Variants in HTRA3 observed in about 807,000 individuals in gnomAD.
HTRA3 encodes serine protease HTRA3.
In HTRA3, 41 loss-of-function variants were observed where a neutral mutation model predicts 43.2. The ratio of observed to expected loss-of-function variants is 0.95; its 90% CI spans 0.74 to 1.23. The LOEUF (loss-of-function observed/expected upper bound fraction) is 1.23, where lower values mean the gene tolerates loss of function less well. Ranked by LOEUF, HTRA3 falls within the 50% of genes most tolerant of loss-of-function variation. The probability of loss-of-function intolerance (pLI) is 0.00; values close to 1 mark genes in which losing one functional copy is unlikely to be tolerated. For synonymous variants in HTRA3, 295 were observed against 287.9 expected, an observed-to-expected ratio of 1.02 and a Z score of -0.25; for missense variants, 628 against 647.1, an observed-to-expected ratio of 0.97 and a Z score of 0.32.
In HTRA3 at chr4:8,292,308, C is replaced by T; in HGVS notation, c.904-13C>T. On this transcript the variant is annotated splice_polypyrimidine_tract_variant and intron_variant, in intron 4 of 8. Transcript: ENST00000307358. ...GGGTCAGGCACAGCTAATGCTGTTTCCTCCCCTTGCAGTACGGGAACTCCG... is the reference window on the plus strand; with the variant it reads ...GGGTCAGGCACAGCTAATGCTGTTTTCTCCCCTTGCAGTACGGGAACTCCG... 6.2e-7 allele frequency: 1 copy of T among 1,612,688 alleles called. No individual in the cohort carries two copies. The highest frequency in any genetic ancestry group is 8.5e-7 in the Non-Finnish European group (1 of 1,179,452).
In HTRA3 at chr4:8,279,620, C is replaced by T. The variant is rs1057239941; in HGVS notation, c.386-2817C>T. ...TGTCTGAGTCCAGGATGGAGACACACAGGAAGGCAGCCTTTTCTAATCACC... is the reference window on the plus strand; with the variant it reads ...TGTCTGAGTCCAGGATGGAGACACATAGGAAGGCAGCCTTTTCTAATCACC... On this transcript the variant is annotated intron_variant, in intron 1 of 8. Transcript: ENST00000307358. This position sits in a 1 kb window ranked among gnomAD's most constrained non-coding sequence, Gnocchi z 7.4. 6.6e-6 allele frequency among the ~76,000 whole-genome samples: 1 copy of T among 152,174 alleles called. No individual in the cohort carries two copies. The highest frequency in any genetic ancestry group is 1.5e-5 in the Non-Finnish European group (1 of 68,034).
Position 8,286,618 on chromosome 4 carries a change from A to G in HTRA3, c.543A>G (p.Ser181=), listed in dbSNP as rs1170375649. 1.2e-6 allele frequency: 2 copies of G among 1,614,124 alleles called. No homozygotes were observed. The highest frequency in any genetic ancestry group is 4.5e-5 in the East Asian group (2 of 44,870). The change falls in exon 3 of 9, where the codon TCA becomes TCG. Residue 181 remains serine (S), a synonymous_variant. Transcript: ENST00000307358. This position sits in a 1 kb window ranked among gnomAD's most constrained non-coding sequence, Gnocchi z 4.9. ...CCAGCGGTTCTGGCTTCATCATGTC[A>G]GAGGCCGGCCTGATCATCACCAATG... ...PLSSGSGFIM[S]EAGLIITNAH...
rs1467543433 is a variant in HTRA3, at chr4:8,269,768, AGCTGGTCCCTGCGCTC to A, written c.-200_-185del. 6.3e-6 allele frequency: 1 copy of A among 157,632 alleles called. No homozygotes were observed. The highest frequency in any genetic ancestry group is 1.9e-4 in the East Asian group (1 of 5,262). The allele number at this position is 157,632 out of a possible 1,614,324, so 9.8% of individuals were successfully genotyped here. A position where few individuals can be genotyped will look rare whatever the true frequency, so the allele number is the denominator to read the frequency against. On this transcript the variant is annotated 5_prime_UTR_variant, in exon 1 of 9. Transcript: ENST00000307358. ...GCCCGCGGACCGTCAGGCTGGAGGG[AGCTGGTCCCTGCGCTC>A]CCTGCGCCCTGGGGATGCCCCTGCC... is the stretch of plus-strand genomic sequence containing the variant.
Position 8,286,626 on chromosome 4 carries a change from G to A in HTRA3, c.551G>A (p.Gly184Asp), listed in dbSNP as rs755101938. ...SGSGFIMSEA[G>D]LIITNAHVVS... ...TCTGGCTTCATCATGTCAGAGGCCG[G>A]CCTGATCATCACCAATGCCCACGTG... Residue 184 changes from glycine (G) to aspartate (D), a missense_variant, in exon 3 of 9, where the codon GGC (glycine) becomes GAC (aspartate). Coordinates refer to ENST00000307358, the MANE Select transcript of HTRA3 (RefSeq NM_053044.5). The surrounding 1 kb of genome is among the most constrained non-coding windows in gnomAD (Gnocchi z 4.9). The A allele has an allele frequency of 1.1e-5, 17 of 1,614,212 alleles. No individual in the cohort carries two copies. The highest frequency in any genetic ancestry group is 1.4e-5 in the Non-Finnish European group (17 of 1,180,050).
intron 6 of HTRA3, among the ~76,000 whole-genome samples, chr4:8,301,048 G>A (rs941762998): frequency 7.4e-6 from 1 of 135,584 alleles, no homozygotes; most frequent in African/African-American, 2.9e-5. Flanking sequence ...CACACTCTCA[G>A]CTTTATTATC....
intron 5 of HTRA3, among the ~76,000 whole-genome samples, 166 bp downstream of exon 5, chr4:8,292,519 C>T (rs969543902): frequency 2.0e-5 from 3 of 152,242 alleles, no homozygotes; most frequent in Non-Finnish European, 4.4e-5. Context: ...AAGACCAAGG[C>T]TGCCCCAAGC....
chr4:8,306,241 C>A lies in HTRA3; in HGVS notation c.*105C>A. 1 of 1,235,678 alleles carries A rather than the reference C, an allele frequency of 8.1e-7. No homozygotes were observed. The highest frequency in any genetic ancestry group is 1.1e-6 in the Non-Finnish European group (1 of 915,498). 76.5% of individuals were successfully genotyped at this position (1,235,678 alleles called of 1,614,324 possible). On this transcript the variant is annotated 3_prime_UTR_variant, in exon 9 of 9. Transcript: ENST00000307358. The surrounding 1 kb of genome is among the most constrained non-coding windows in gnomAD (Gnocchi z 8.9). Reference sequence around the variant, plus strand: ...CCACCGTCGGTCCTCAGCAGGGCGGCAGCCTCCTCCTGGCTGTCCGGGGCA... The same window carrying A: ...CCACCGTCGGTCCTCAGCAGGGCGGAAGCCTCCTCCTGGCTGTCCGGGGCA...
intron 1 of HTRA3, among the ~76,000 whole-genome samples, chr4:8,278,411 A>T (rs1023086996): frequency 4.6e-5 from 7 of 151,390 alleles, no homozygotes; most frequent in Admixed American, 4.6e-4. Context: ...AAAAAAGGCT[A>T]ACGGCTGAAT....
rs1195910302 is a variant in HTRA3, at chr4:8,295,091, C to A, written c.1051+890C>A. On this transcript the variant is annotated intron_variant, in intron 6 of 8. Transcript: ENST00000307358. The surrounding 1 kb of genome is among the most constrained non-coding windows in gnomAD (Gnocchi z 6.9). Reference sequence around the variant, plus strand: ...CCTTTATTTTTTCCTTTCTTTTTTTCCTTCTCTCCTTCCTTCCACCCATCC... The same window carrying A: ...CCTTTATTTTTTCCTTTCTTTTTTTACTTCTCTCCTTCCTTCCACCCATCC... Among the ~76,000 whole-genome samples the A allele has an allele frequency of 6.6e-6, 1 of 150,778 alleles. No homozygotes were observed. Among genetic ancestry groups the A allele is most frequent in the Non-Finnish European group, 1.5e-5 (1 of 67,582 alleles).
At chr4:8,271,470 C>T (rs1036328738) in intron 1 of HTRA3, among the ~76,000 whole-genome samples, 4 of 152,160 alleles carry the variant, frequency 2.6e-5, no homozygotes, top group Non-Finnish European at 4.4e-5. Flanking sequence ...CTGGGAGCCC[C>T]GTGTGGGAAG....
At chr4:8,285,325 C>T (rs1712912708) in intron 2 of HTRA3, among the ~76,000 whole-genome samples, 2 of 152,210 alleles carry the variant, frequency 1.3e-5, no homozygotes, top group African/African-American at 4.8e-5. Flanking sequence ...CATTCAATGG[C>T]CTGCCTGCCT....
intron 8 of HTRA3, 134 bp from the exon 9 acceptor site, chr4:8,305,837 A>G: frequency 7.7e-6 from 7 of 905,806 alleles, no homozygotes; most frequent in South Asian, 3.0e-5. Context: ...GGGCTGGGGC[A>G]CTGTTCTTTC....
In HTRA3 at chr4:8,292,141, G is replaced by A. The variant is rs548061981; in HGVS notation, c.904-180G>A. Among the ~76,000 whole-genome samples the A allele has an allele frequency of 3.3e-5, 5 of 152,354 alleles. No homozygotes were observed. In the East Asian group the frequency reaches 7.7e-4, roughly 24 times the overall value. On this transcript the variant is annotated intron_variant, in intron 4 of 8. Transcript: ENST00000307358. Reference sequence around the variant, plus strand: ...GTGACAGTCAGACCTCGGTCATCAGGCAGCCATCCACATGGCCTTCTTATC... The same window carrying A: ...GTGACAGTCAGACCTCGGTCATCAGACAGCCATCCACATGGCCTTCTTATC...
At chr4:8,277,959 G>T (rs75039140) in intron 1 of HTRA3, among the ~76,000 whole-genome samples, 6,526 of 152,288 alleles carry the variant, frequency 0.043, 485 homozygotes, top group African/African-American at 0.15. Context: ...TCCCAGCTCT[G>T]CACATTATGT....
intron 3 of HTRA3, 71 bp from the exon 4 acceptor site, chr4:8,291,299 T>C (rs915165921): frequency 7.3e-7 from 1 of 1,366,308 alleles, no homozygotes; most frequent in African/African-American, 1.4e-5. Flanking sequence ...CCTGCCAGGA[T>C]CTGACTCCGG....
intron 2 of HTRA3, among the ~76,000 whole-genome samples, chr4:8,285,539 A>C (rs1338466465): frequency 3.9e-5 from 6 of 152,190 alleles, no homozygotes; most frequent in South Asian, 2.1e-4. Context: ...TTCCTTGCTC[A>C]TCTCTACTAA....
rs986231689 is a variant in HTRA3, at chr4:8,296,048, C to T, written c.1051+1847C>T. 3.9e-5 allele frequency: 43 copies of T among 1,107,796 alleles called. No homozygotes were observed. In the African/African-American group the frequency reaches 5.4e-4, roughly 14 times the overall value. 68.6% of individuals were successfully genotyped at this position (1,107,796 alleles called of 1,614,324 possible). ...CTAGCATGCTCCTTTCCCTAATGAC[C>T]GAGTCTTTCCTGTTGAATTATCCCA... On this transcript the variant is annotated intron_variant, in intron 6 of 8. Coordinates refer to ENST00000307358, the MANE Select transcript of HTRA3 (RefSeq NM_053044.5). The surrounding 1 kb of genome is among the most constrained non-coding windows in gnomAD (Gnocchi z 5.3).
chr4:8,272,591 G>A (rs960687505), intron 1 of HTRA3, among the ~76,000 whole-genome samples: 2 of 152,360 alleles, frequency 1.3e-5, no homozygotes, highest in East Asian at 1.9e-4. Flanking sequence ...CCCAGACCAC[G>A]TTGTTTCATA....
At chr4:8,292,871 T>A (rs1299529630) in intron 5 of HTRA3, among the ~76,000 whole-genome samples, 2 of 151,834 alleles carry the variant, frequency 1.3e-5, no homozygotes, top group Non-Finnish European at 2.9e-5. Context: ...TGTCCAGATG[T>A]GAACAAGCCC....
Sources: allele counts gnomAD v4.1 joint callset (sites outside exome capture counted in the v4.1 genomes callset), GRCh38; gene constraint gnomAD v4.1.1; non-coding constraint Gnocchi (gnomAD v3.1); transcripts MANE v1.5; gene names NCBI Gene and HGNC (gene_info 2026-07-23, HGNC 2026-07-21).